The following ABHD12 variants were observed in gnomAD, a reference collection of about 807,000 sequenced individuals.
The protein encoded by ABHD12 is lysophosphatidylserine lipase ABHD12.
A neutral mutation model predicts 58.3 loss-of-function variants in ABHD12; 43 were observed. The ratio of observed to expected loss-of-function variants is 0.74; its 90% CI spans 0.58 to 0.95. The LOEUF (loss-of-function observed/expected upper bound fraction) is 0.95. Ranked by LOEUF, ABHD12 falls within the 40% of genes least tolerant of loss-of-function variation. ABHD12 has a pLI of 0.00. For missense variants in ABHD12, 539 were observed against 537.2 expected, an observed-to-expected ratio of 1.00 and a Z score of -0.03; for synonymous variants, 219 against 211.2, an observed-to-expected ratio of 1.04 and a Z score of -0.32.
chr20:25,333,643 T>C (rs1385217592), intron 2 of ABHD12, among the ~76,000 whole-genome samples: 1 of 149,472 alleles, frequency 6.7e-6, no homozygotes, highest in African/African-American at 2.5e-5. Flanking sequence ...GGATGCAAGG[T>C]TGGTTCAATA....
chr20:25,368,821 T>A, intron 1 of ABHD12: 1 of 579,944 alleles, frequency 1.7e-6, no homozygotes, highest in South Asian at 1.7e-5. Context: ...CTACTTTCTT[T>A]TAAAAAAATT....
chr20:25,296,752 G>C, downstream of ABHD12: 2 of 587,450 alleles, frequency 3.4e-6, no homozygotes, highest in East Asian at 6.6e-5. Context: ...ACAGTACAAA[G>C]GGTCGTGGCC....
At chr20:25,302,388 T>C in intron 11 of ABHD12, 42 bp from the exon 12 acceptor site, 1 of 1,610,644 alleles carries the variant, frequency 6.2e-7, no homozygotes, top group South Asian at 1.1e-5. Flanking sequence ...TGGCCTGGCA[T>C]GGGGGTCCCA....
chr20:25,302,434 A>G (rs2145917502), intron 11 of ABHD12, 88 bp from the exon 12 acceptor site: 2 of 1,551,264 alleles, frequency 1.3e-6, no homozygotes, highest in East Asian at 4.5e-5. Flanking sequence ...CTCCCCTTCA[A>G]TAGAAACCAG....
chr20:25,343,749 C>G (rs540604668), intron 1 of ABHD12, among the ~76,000 whole-genome samples: 5 of 152,030 alleles, frequency 3.3e-5, no homozygotes, highest in Admixed American at 2.0e-4. Context: ...GAGCTGAGAT[C>G]GCACCACTGC....
chr20:25,296,498 GCCC>G (rs759183743), downstream of ABHD12: 1 of 1,613,494 alleles, frequency 6.2e-7, no homozygotes, highest in African/African-American at 1.3e-5. Flanking sequence ...TGCAGATCCC[GCCC>G]CCCAACATCC....
intron 10 of ABHD12, 32 bp downstream of exon 10, chr20:25,306,801 A>G (rs2088751091): frequency 1.3e-6 from 2 of 1,499,166 alleles, no homozygotes; most frequent in South Asian, 1.1e-5. Flanking sequence ...TTTTCTAAAT[A>G]GGAAAATTAG....
chr20:25,294,799 T>C, exon 13 of ABHD12: 1 of 721,854 alleles, frequency 1.4e-6, no homozygotes, highest in Non-Finnish European at 2.5e-6. Context: ...TGGTATGGTT[T>C]ATCTAGAGTT....
chr20:25,314,873 C>T (rs1048427865), intron 6 of ABHD12, 52 bp downstream of exon 6: 42 of 1,603,180 alleles, frequency 2.6e-5, no homozygotes, highest in Middle Eastern at 1.6e-4. Flanking sequence ...CATGGGATAC[C>T]GCCAGCAAGC....
At chr20:25,373,159 C>T (rs2089919684) in intron 1 of ABHD12, among the ~76,000 whole-genome samples, 2 of 152,206 alleles carry the variant, frequency 1.3e-5, no homozygotes, top group Admixed American at 6.6e-5. Flanking sequence ...TGACAATGCA[C>T]TTGCCTAACA....
rs576257960 is a variant in ABHD12 at position 25,324,950 on chromosome 20, C to T, written c.317-1520G>A. Among the ~76,000 whole-genome samples, 16 of 152,224 alleles carry T rather than the reference C, an allele frequency of 1.1e-4. No individual in the cohort carries two copies. The East Asian group carries it at 3.1e-3, about 29-fold the overall frequency. The stretch of plus-strand genomic sequence containing the variant: ...TCTCTGAGGCAAGCCACCACCATCA[C>T]CATCTGATGGCTCCTATTAGATTGC... On this transcript the variant is annotated intron_variant, in intron 2 of 12. Coordinates refer to ENST00000339157, the MANE Select transcript of ABHD12 (RefSeq NM_001042472.3).
chr20:25,301,809 A>T (rs1259980151), intron 12 of ABHD12, among the ~76,000 whole-genome samples: 1 of 152,238 alleles, frequency 6.6e-6, no homozygotes, highest in Non-Finnish European at 1.5e-5. Context: ...GGCAGTCAGG[A>T]GCACCACGTC....
At chr20:25,384,091 G>A (rs1174757290) in intron 1 of ABHD12, among the ~76,000 whole-genome samples, 12 of 148,760 alleles carry the variant, frequency 8.1e-5, no homozygotes, top group African/African-American at 2.2e-4. Context: ...GCAGTGAGCC[G>A]AGATCACGCC....
At chr20:25,327,126 C>G (rs2089189942) in intron 2 of ABHD12, among the ~76,000 whole-genome samples, 1 of 152,196 alleles carries the variant, frequency 6.6e-6, no homozygotes, top group African/African-American at 2.4e-5. Context: ...GCTGTCTTTG[C>G]CCTTTCTCCA....
chr20:25,371,471 CA>C (rs1268036723), intron 1 of ABHD12, among the ~76,000 whole-genome samples: 2 of 152,226 alleles, frequency 1.3e-5, no homozygotes, highest in Non-Finnish European at 2.9e-5. Context: ...CATCTCTCTT[CA>C]GAAGTGATTC....
At chr20:25,329,837 T>A (rs558142041) in intron 2 of ABHD12, among the ~76,000 whole-genome samples, 1 of 151,936 alleles carries the variant, frequency 6.6e-6, no homozygotes, top group South Asian at 2.1e-4. Flanking sequence ...ACCTTCCGTA[T>A]GAAAAAAGGG....
At chr20:25,302,666 G>A (rs1292991085) in intron 11 of ABHD12, among the ~76,000 whole-genome samples, 1 of 152,182 alleles carries the variant, frequency 6.6e-6, no homozygotes, top group African/African-American at 2.4e-5. Context: ...CACAGTCTTG[G>A]GGAGCTGGGA....
chr20:25,359,306 C>A (rs944062336), intron 1 of ABHD12, among the ~76,000 whole-genome samples: 3 of 149,904 alleles, frequency 2.0e-5, no homozygotes, highest in African/African-American at 7.4e-5. Flanking sequence ...CGCCTGTAGT[C>A]CCAGCTACTC....
chr20:25,306,099 A>G lies in ABHD12; in HGVS notation c.950+734T>C, dbSNP rs1310441957. On this transcript the variant is annotated intron_variant, in intron 10 of 12. Transcript: ENST00000339157. ...GGATAATCACTTGAATCCAGGAGGCAGAGGTTGCAGTGAGCTGAGATCACG... is the reference window on the plus strand; with the variant it reads ...GGATAATCACTTGAATCCAGGAGGCGGAGGTTGCAGTGAGCTGAGATCACG... Among the ~76,000 whole-genome samples the G allele has an allele frequency of 3.3e-5, 5 of 152,002 alleles. No individual in the cohort carries two copies. The South Asian group carries it at 1.0e-3, about 32-fold the overall frequency.
Sources: gnomAD v4.1 joint callset for allele counts (sites outside exome capture counted in the v4.1 genomes callset) on GRCh38, gnomAD v4.1.1 for gene constraint, MANE v1.5 for transcripts, NCBI Gene and HGNC (gene_info 2026-07-23, HGNC 2026-07-21) for gene names.